HEMK2: variants seen among roughly 807,000 people sequenced by gnomAD.
The protein encoded by HEMK2 is HemK methyltransferase 2, ETF1 glutamine and histone H4 lysine.
the HEMK2 span, among the ~76,000 whole-genome samples, chr21:28,860,516 A>G: frequency 6.6e-6 from 1 of 150,746 alleles, no homozygotes; most frequent in Non-Finnish European, 1.5e-5. Flanking sequence ...GAACAAAATG[A>G]ACCTAGTTGG....
At chr21:28,592,963 G>A in the HEMK2 span, among the ~76,000 whole-genome samples, 3 of 152,284 alleles carry the variant, frequency 2.0e-5, no homozygotes, top group Admixed American at 6.5e-5. Flanking sequence ...ATCCACAAAG[G>A]TGGACATAGT....
At chr21:28,772,809 T>C in the HEMK2 span, among the ~76,000 whole-genome samples, 1 of 152,134 alleles carries the variant, frequency 6.6e-6, no homozygotes, top group African/African-American at 2.4e-5. Context: ...TCACTAGGCA[T>C]ATGTAACAAT....
the HEMK2 span, among the ~76,000 whole-genome samples, chr21:28,790,049 T>C: frequency 6.6e-6 from 1 of 152,250 alleles, no homozygotes; most frequent in African/African-American, 2.4e-5. Flanking sequence ...ACGTAGTGTT[T>C]CCATTTTTAA....
At chr21:28,741,113 A>G in the HEMK2 span, among the ~76,000 whole-genome samples, 1 of 152,188 alleles carries the variant, frequency 6.6e-6, no homozygotes, top group South Asian at 2.1e-4. Context: ...ACAATCCCAA[A>G]TCTGAACTCT....
the HEMK2 span, among the ~76,000 whole-genome samples, chr21:28,826,649 A>G: frequency 6.6e-6 from 1 of 152,228 alleles, no homozygotes; most frequent in African/African-American, 2.4e-5. Flanking sequence ...GTTTAACAGT[A>G]ACAAGGATCA....
the HEMK2 span, among the ~76,000 whole-genome samples, chr21:28,677,882 C>G: frequency 6.7e-6 from 1 of 148,818 alleles, no homozygotes; most frequent in Admixed American, 6.7e-5. Flanking sequence ...ACATCCACAC[C>G]AAAACCCCAT....
chr21:28,677,200 A>G, the HEMK2 span, among the ~76,000 whole-genome samples: 1 of 152,320 alleles, frequency 6.6e-6, no homozygotes, highest in Admixed American at 6.5e-5. Flanking sequence ...CCTCCACCCT[A>G]ATACTGTGCT....
chr21:28,631,392 TCTC>T, the HEMK2 span, among the ~76,000 whole-genome samples: 1 of 152,334 alleles, frequency 6.6e-6, no homozygotes, highest in South Asian at 2.1e-4. Flanking sequence ...CAACCAGGAT[TCTC>T]TACTTCAATA....
chr21:28,658,326 C>A, the HEMK2 span, among the ~76,000 whole-genome samples: 5 of 151,988 alleles, frequency 3.3e-5, no homozygotes, highest in African/African-American at 4.8e-5. Flanking sequence ...TTAAAAATGC[C>A]CGAAACCAAT....
At chr21:28,687,504 G>T in the HEMK2 span, among the ~76,000 whole-genome samples, 1 of 152,140 alleles carries the variant, frequency 6.6e-6, no homozygotes, top group East Asian at 1.9e-4. Flanking sequence ...AAGAAAAAAA[G>T]AGAAAGTATG....
At chr21:28,640,402 C>T in the HEMK2 span, among the ~76,000 whole-genome samples, 12 of 152,140 alleles carry the variant, frequency 7.9e-5, no homozygotes, top group South Asian at 2.1e-4. Flanking sequence ...AGGATGGACA[C>T]GAATATTTCT....
chr21:28,712,349 T>G, the HEMK2 span, among the ~76,000 whole-genome samples: 1 of 152,170 alleles, frequency 6.6e-6, no homozygotes, highest in Admixed American at 6.5e-5. Flanking sequence ...CTCACAATGT[T>G]TAGTAATAGA....
chr21:28,738,603 C>A, the HEMK2 span, among the ~76,000 whole-genome samples: 7 of 152,158 alleles, frequency 4.6e-5, no homozygotes, highest in East Asian at 1.3e-3. Context: ...TTCTGTGACC[C>A]GGGAAACAGT....
the HEMK2 span, among the ~76,000 whole-genome samples, chr21:28,595,978 G>A: frequency 6.6e-6 from 1 of 151,602 alleles, no homozygotes; most frequent in Admixed American, 6.6e-5. Context: ...TAGAGACGGG[G>A]TTTCACCATG....
chr21:28,823,903 G>C, the HEMK2 span, among the ~76,000 whole-genome samples: 2 of 152,108 alleles, frequency 1.3e-5, no homozygotes, highest in African/African-American at 4.8e-5. Flanking sequence ...AAAGTTACCT[G>C]ATCTGCCAAT....
At chr21:28,669,003 T>G in the HEMK2 span, among the ~76,000 whole-genome samples, 29 of 152,314 alleles carry the variant, frequency 1.9e-4, no homozygotes, top group East Asian at 5.4e-3. Context: ...TGCCTACTTT[T>G]TGACTTGCTG....
the HEMK2 span, among the ~76,000 whole-genome samples, chr21:28,733,820 T>G: frequency 0.54 from 82,054 of 151,522 alleles, 25,046 homozygotes; most frequent in African/African-American, 0.82. Flanking sequence ...GTTGGTGTGC[T>G]GCACCCATTA....
At chr21:28,740,294 G>C in the HEMK2 span, among the ~76,000 whole-genome samples, 497 of 152,308 alleles carry the variant, frequency 3.3e-3, 2 homozygotes, top group African/African-American at 0.011. Flanking sequence ...CACGCAATAA[G>C]ATTTTCAAAC....
chr21:28,734,804 T>C, the HEMK2 span, among the ~76,000 whole-genome samples: 1 of 152,246 alleles, frequency 6.6e-6, no homozygotes, highest in African/African-American at 2.4e-5. Context: ...TGTCTGCTTA[T>C]AAAGACAGAC....
Sources: allele counts gnomAD v4.1 joint callset (sites outside exome capture counted in the v4.1 genomes callset), GRCh38; gene constraint gnomAD v4.1.1; transcripts MANE v1.5; gene names NCBI Gene and HGNC (gene_info 2026-07-23, HGNC 2026-07-21).